Variants in PTPRN2 observed in about 807,000 individuals in gnomAD.
The protein encoded by PTPRN2 is protein tyrosine phosphatase receptor type N2, also known as receptor-type tyrosine-protein phosphatase N2.
PTPRN2 carries 74 observed loss-of-function variants against 118.8 expected under a neutral mutation model. That is an observed-to-expected ratio of 0.62 (90% CI 0.52 to 0.76). The LOEUF is 0.76. Ranked by LOEUF, PTPRN2 falls within the 30% of genes least tolerant of loss-of-function variation. The pLI is 0.00. For synonymous variants in PTPRN2, 641 were observed against 608.0 expected (o/e 1.05, Z -0.80); for missense variants, 1,481 against 1,394.4 (o/e 1.06, Z -0.99).
chr7:158,131,595 C>T (rs527579274), intron 9 of PTPRN2, among the ~76,000 whole-genome samples: 9 of 149,336 alleles, frequency 6.0e-5, no homozygotes, highest in South Asian at 2.1e-4. Context: ...TACACACACA[C>T]GAACATACAA....
At chr7:157,658,312 C>G (rs539406938) in intron 13 of PTPRN2, among the ~76,000 whole-genome samples, 1 of 152,136 alleles carries the variant, frequency 6.6e-6, no homozygotes, top group Non-Finnish European at 1.5e-5. Flanking sequence ...TCCAAGAGCC[C>G]ATGCAAGAGA....
chr7:158,150,359 A>C (rs1173156861), intron 6 of PTPRN2, among the ~76,000 whole-genome samples: 1 of 152,218 alleles, frequency 6.6e-6, no homozygotes, highest in African/African-American at 2.4e-5. Context: ...GGGCTCACCA[A>C]GGGTGTACCC....
rs1490552714 is a variant in PTPRN2 at position 158,407,062 on chromosome 7, C to A, written c.163+82673G>T. Among the ~76,000 whole-genome samples the A allele has an allele frequency of 3.3e-5, 5 of 152,280 alleles. No individual in the cohort carries two copies. The South Asian group carries it at 1.0e-3, about 32-fold the overall frequency. Reference sequence around the variant, plus strand: ...CTCCAGGGAGACCCAGCAAGAGAACCAACATCCGCCTGTGAGGAGGTCGGG... The same window carrying A: ...CTCCAGGGAGACCCAGCAAGAGAACAAACATCCGCCTGTGAGGAGGTCGGG... On this transcript the variant is annotated intron_variant, in intron 2 of 22. Transcript: ENST00000389418.
intron 1 of PTPRN2, among the ~76,000 whole-genome samples, chr7:158,492,120 G>A (rs1160043140): frequency 6.6e-6 from 1 of 152,188 alleles, no homozygotes; most frequent in Admixed American, 6.5e-5. Flanking sequence ...TCCCGCCCCA[G>A]GCACACAGAG....
chr7:158,003,883 G>C lies in PTPRN2; in HGVS notation c.1723+77415C>G, dbSNP rs1159122650. 1.3e-5 allele frequency among the ~76,000 whole-genome samples: 2 copies of C among 152,118 alleles called. No individual in the cohort carries two copies. Among genetic ancestry groups the C allele is most frequent in the African/African-American group, 4.8e-5 (2 of 41,406 alleles). On this transcript the variant is annotated intron_variant, in intron 11 of 22. Coordinates refer to ENST00000389418, the MANE Select transcript of PTPRN2 (RefSeq NM_002847.5). The surrounding 1 kb of genome is among the most constrained non-coding windows in gnomAD (Gnocchi z 5.0). ...AGCATCTATTAATTTCATCACTGTT[G>C]CCGACTTAATCAGCAAACTTCATTT...
chr7:158,084,779 A>G (rs1813135248), intron 10 of PTPRN2, among the ~76,000 whole-genome samples: 1 of 139,800 alleles, frequency 7.2e-6, no homozygotes, highest in East Asian at 2.2e-4. Flanking sequence ...ACACTCATCC[A>G]CACCCACGAT....
At chr7:157,712,201 G>A (rs1465475428) in intron 12 of PTPRN2, among the ~76,000 whole-genome samples, 1 of 152,120 alleles carries the variant, frequency 6.6e-6, no homozygotes, top group Non-Finnish European at 1.5e-5. Context: ...TGCGGGTCTG[G>A]GGTTGCTCAG....
At chr7:157,613,944 G>T (rs1563263224) in intron 15 of PTPRN2, 2 of 454,654 alleles carry the variant, frequency 4.4e-6, no homozygotes, top group African/African-American at 4.0e-5. Flanking sequence ...ATGGCCAGGG[G>T]CGACCCTCCC....
intron 14 of PTPRN2, among the ~76,000 whole-genome samples, chr7:157,625,564 T>C (rs1045285765): frequency 6.6e-6 from 1 of 151,918 alleles, no homozygotes; most frequent in Non-Finnish European, 1.5e-5. Flanking sequence ...ACAATGGACT[T>C]TGGGGACTTG....
chr7:158,558,255 G>A (rs549639031), intron 1 of PTPRN2, among the ~76,000 whole-genome samples: 75 of 152,242 alleles, frequency 4.9e-4, no homozygotes, highest in African/African-American at 1.8e-3. Context: ...CAAAGTGCTG[G>A]GATTACAGGC....
intron 10 of PTPRN2, among the ~76,000 whole-genome samples, chr7:158,084,290 C>T (rs538460392): frequency 2.8e-3 from 418 of 151,526 alleles, no homozygotes; most frequent in Non-Finnish European, 4.5e-3. Flanking sequence ...CCCCCCACCC[C>T]GCCCGCCACG....
intron 21 of PTPRN2, among the ~76,000 whole-genome samples, chr7:157,567,634 T>C (rs1799553432): frequency 6.6e-6 from 1 of 152,142 alleles, no homozygotes; most frequent in Non-Finnish European, 1.5e-5. Flanking sequence ...CTATAATCAA[T>C]GGCTGCTCCT....
intron 1 of PTPRN2, among the ~76,000 whole-genome samples, chr7:158,524,037 T>C (rs866695161): frequency 5.3e-5 from 4 of 75,752 alleles, no homozygotes; most frequent in African/African-American, 1.2e-4. Context: ...TGCCCTGGAG[T>C]GGAGTCTGCC....
chr7:158,054,212 A>C (rs781226343), intron 11 of PTPRN2, among the ~76,000 whole-genome samples: 4 of 152,188 alleles, frequency 2.6e-5, no homozygotes, highest in Non-Finnish European at 5.9e-5. Flanking sequence ...GCCTGTGTGA[A>C]GTAGGAATGT....
Position 157,906,235 on chromosome 7 carries a change from C to T in PTPRN2, c.1724-7498G>A, listed in dbSNP as rs541156293. On this transcript the variant is annotated intron_variant, in intron 11 of 22. Transcript: ENST00000389418. ...TGATTCAGTGATTGGAGCTCTGGTC[C>T]CAACCGGCACCTCCTTTCCTTTTTG... 2.6e-5 allele frequency among the ~76,000 whole-genome samples: 4 copies of T among 152,286 alleles called. No individual in the cohort carries two copies. The East Asian group carries it at 5.8e-4, about 22-fold the overall frequency.
intron 14 of PTPRN2, among the ~76,000 whole-genome samples, chr7:157,652,185 T>C (rs1805706612): frequency 6.6e-6 from 1 of 152,158 alleles, no homozygotes; most frequent in Non-Finnish European, 1.5e-5. Flanking sequence ...AGGCAGAGTG[T>C]AGAGAATGCA....
intron 11 of PTPRN2, among the ~76,000 whole-genome samples, chr7:157,935,834 G>T (rs1456972012): frequency 2.0e-5 from 3 of 151,208 alleles, no homozygotes; most frequent in East Asian, 3.9e-4. Context: ...CCTCAGGGGG[G>T]TCTAGCCATC....
At chr7:158,423,343 A>T (rs1266777796) in intron 2 of PTPRN2, among the ~76,000 whole-genome samples, 1 of 152,162 alleles carries the variant, frequency 6.6e-6, no homozygotes, top group African/African-American at 2.4e-5. Flanking sequence ...TCCTTTGCTG[A>T]GTGATGCAAG....
chr7:157,849,448 G>A (rs893145437), intron 12 of PTPRN2, among the ~76,000 whole-genome samples: 5 of 152,186 alleles, frequency 3.3e-5, no homozygotes, highest in African/African-American at 4.8e-5. Context: ...CTGAGCCACC[G>A]TTCCTCTGAC....
Sources: gnomAD v4.1 joint callset for allele counts (sites outside exome capture counted in the v4.1 genomes callset) on GRCh38, gnomAD v4.1.1 for gene constraint, Gnocchi (gnomAD v3.1) non-coding constraint, MANE v1.5 for transcripts, NCBI Gene and HGNC (gene_info 2026-07-23, HGNC 2026-07-21) for gene names.